CCDC178: variants seen among roughly 807,000 people sequenced by gnomAD.
CCDC178 encodes coiled-coil domain-containing protein 178.
CCDC178 carries 126 observed loss-of-function variants against 117.4 expected under a neutral mutation model. The ratio of observed to expected loss-of-function variants is 1.07; its 90% CI spans 0.93 to 1.24. The LOEUF (loss-of-function observed/expected upper bound fraction) is 1.24. Ranked by LOEUF, CCDC178 falls within the 50% of genes most tolerant of loss-of-function variation. The pLI, the probability that CCDC178 is intolerant of heterozygous loss-of-function variation, is 0.00. For synonymous variants in CCDC178, 283 were observed against 313.4 expected (o/e 0.90, Z 1.02); for missense variants, 1,030 against 986.9 (o/e 1.04, Z -0.59).
At chr18:33,024,116 C>T (rs2144838063) in intron 21 of CCDC178, among the ~76,000 whole-genome samples, 1 of 152,272 alleles carries the variant, frequency 6.6e-6, no homozygotes, top group Middle Eastern at 3.4e-3. Flanking sequence ...ACTTGCCAAA[C>T]AAGACTTAAT....
intron 12 of CCDC178, among the ~76,000 whole-genome samples, chr18:33,277,203 C>G (rs1661287225): frequency 6.6e-6 from 1 of 151,712 alleles, no homozygotes; most frequent in Non-Finnish European, 1.5e-5. Flanking sequence ...CTGGAAAACC[C>G]CAGATAAACA....
intron 15 of CCDC178, among the ~76,000 whole-genome samples, chr18:33,229,149 A>G (rs1379255936): frequency 6.6e-6 from 1 of 152,154 alleles, no homozygotes; most frequent in Non-Finnish European, 1.5e-5. Flanking sequence ...GCAGGATTGG[A>G]CAGAAACATA....
At chr18:33,010,946 G>A (rs769831785) in intron 21 of CCDC178, among the ~76,000 whole-genome samples, 75 of 152,070 alleles carry the variant, frequency 4.9e-4, no homozygotes, top group Non-Finnish European at 1.0e-3. Context: ...CATCTTTCAC[G>A]CCAGGCAGCA....
chr18:33,324,065 T>C (rs886484768), intron 10 of CCDC178, among the ~76,000 whole-genome samples: 2 of 151,858 alleles, frequency 1.3e-5, no homozygotes, highest in African/African-American at 2.4e-5. Flanking sequence ...CCTAATATCT[T>C]AGTGTAATAC....
intron 20 of CCDC178, among the ~76,000 whole-genome samples, chr18:33,111,025 T>G (rs1353520680): frequency 2.0e-5 from 3 of 151,524 alleles, no homozygotes; most frequent in Non-Finnish European, 4.4e-5. Flanking sequence ...ATATATAAAT[T>G]TGGTAGATCA....
At chr18:33,005,691 G>A (rs1045984604) in intron 21 of CCDC178, among the ~76,000 whole-genome samples, 3 of 152,014 alleles carry the variant, frequency 2.0e-5, no homozygotes, top group South Asian at 2.1e-4. Context: ...TATGCATTGA[G>A]TGCCTTTGTT....
At chr18:33,092,546 A>G (rs1378606929) in intron 21 of CCDC178, among the ~76,000 whole-genome samples, 1 of 152,132 alleles carries the variant, frequency 6.6e-6, no homozygotes, top group African/African-American at 2.4e-5. Flanking sequence ...ACTATAGAAT[A>G]GTGGATTAGA....
In CCDC178 at chr18:33,013,101, A is replaced by G. The variant is rs187410932; in HGVS notation, c.2389-38420T>C. Among the ~76,000 whole-genome samples the G allele has an allele frequency of 5.0e-3, 758 of 152,300 alleles. 3 individuals are homozygous for G. The highest frequency in any genetic ancestry group is 6.9e-3 in the Non-Finnish European group (466 of 68,002). On this transcript the variant is annotated intron_variant, in intron 21 of 22. Transcript: ENST00000383096. ...TTTTTCCTTTTATAGGATTTCACTT[A>G]TAATCTCCTAAATAAACCAATCTAG...
At chr18:33,102,318 A>C (rs1247066153) in intron 20 of CCDC178, among the ~76,000 whole-genome samples, 1 of 151,502 alleles carries the variant, frequency 6.6e-6, no homozygotes, top group Non-Finnish European at 1.5e-5. Flanking sequence ...GAATTGCAGA[A>C]CCCTTAAGAT....
chr18:33,143,634 A>C (rs2144309981), intron 20 of CCDC178, among the ~76,000 whole-genome samples: 1 of 152,252 alleles, frequency 6.6e-6, no homozygotes, highest in South Asian at 2.1e-4. Flanking sequence ...TGAAGTGGGT[A>C]GACCTTGTGT....
chr18:33,329,876 AGTGTGTGTGTGT>A (rs67627028), intron 10 of CCDC178, among the ~76,000 whole-genome samples: 114 of 131,446 alleles, frequency 8.7e-4, no homozygotes, highest in African/African-American at 2.9e-3. Context: ...GAATTATTAG[AGTGTGTGTGTGT>A]GTGTGTGTGT....
intron 11 of CCDC178, among the ~76,000 whole-genome samples, chr18:33,306,749 C>G (rs983111132): frequency 1.3e-5 from 2 of 151,852 alleles, no homozygotes; most frequent in African/African-American, 4.8e-5. Flanking sequence ...TGTGTCCCCA[C>G]CCAAATCTCA....
intron 3 of CCDC178, among the ~76,000 whole-genome samples, chr18:33,401,826 G>A (rs1224904522): frequency 1.3e-5 from 2 of 151,868 alleles, no homozygotes; most frequent in Non-Finnish European, 2.9e-5. Flanking sequence ...AGTTGAAAAC[G>A]TTAACTATTA....
intron 12 of CCDC178, among the ~76,000 whole-genome samples, chr18:33,281,276 A>G (rs1021927424): frequency 6.6e-6 from 1 of 152,006 alleles, no homozygotes; most frequent in Non-Finnish European, 1.5e-5. Context: ...CACTGAAATC[A>G]ATTATAAAAC....
intron 20 of CCDC178, among the ~76,000 whole-genome samples, chr18:33,097,869 G>A (rs1420446177): frequency 6.6e-6 from 1 of 151,984 alleles, no homozygotes; most frequent in Non-Finnish European, 1.5e-5. Context: ...ATAAATATGG[G>A]CATATTGGTT....
chr18:33,433,560 G>T (rs2064248622), intron 2 of CCDC178, among the ~76,000 whole-genome samples: 1 of 152,018 alleles, frequency 6.6e-6, no homozygotes, highest in Non-Finnish European at 1.5e-5. Flanking sequence ...CCAGATCCCA[G>T]TAAGCCATCT....
At chr18:33,322,425 G>T (rs1298003860) in intron 11 of CCDC178, among the ~76,000 whole-genome samples, 1 of 151,690 alleles carries the variant, frequency 6.6e-6, no homozygotes, top group Non-Finnish European at 1.5e-5. Flanking sequence ...CACTCAACAA[G>T]TAAAGAATGA....
chr18:33,413,010 T>C (rs965987783), intron 2 of CCDC178, among the ~76,000 whole-genome samples: 3 of 152,152 alleles, frequency 2.0e-5, no homozygotes, highest in African/African-American at 7.2e-5. Flanking sequence ...AGTTTCTCTG[T>C]TCCCTATAAT....
intron 21 of CCDC178, among the ~76,000 whole-genome samples, chr18:33,030,522 A>AAGATAGAT (rs61043322): frequency 0.19 from 27,362 of 140,604 alleles, 2,755 homozygotes; most frequent in Non-Finnish European, 0.22. Flanking sequence ...GAACTGATAG[A>AAGATAGAT]AGATAGATAG....
Sources: allele counts gnomAD v4.1 joint callset (sites outside exome capture counted in the v4.1 genomes callset), GRCh38; gene constraint gnomAD v4.1.1; transcripts MANE v1.5; gene names NCBI Gene and HGNC (gene_info 2026-07-23, HGNC 2026-07-21).